The following CLCN6 variants were observed in gnomAD, a reference collection of about 807,000 sequenced individuals.
CLCN6 encodes the protein Cl-/H+ antiporter 6.
Under a neutral mutation model 109.8 loss-of-function variants are expected in CLCN6, and 70 were observed. That is an observed-to-expected ratio of 0.64 (90% CI 0.53 to 0.78). CLCN6 has a LOEUF of 0.78. CLCN6 is among the 30% of genes least tolerant of loss of function. The pLI, the probability that CLCN6 is intolerant of heterozygous loss-of-function variation, is 0.00. For synonymous variants in CLCN6, 444 were observed against 447.8 expected, an observed-to-expected ratio of 0.99 and a Z score of 0.11; for missense variants, 984 against 1,142.3, an observed-to-expected ratio of 0.86 and a Z score of 2.00.
At chr1:11,812,798 C>G (rs973628621) in intron 2 of CLCN6, among the ~76,000 whole-genome samples, 12 of 151,808 alleles carry the variant, frequency 7.9e-5, no homozygotes, top group African/African-American at 2.7e-4. Flanking sequence ...TCTCCCAAAG[C>G]ACAGGATGAG....
chr1:11,835,685 C>G (rs1644935222), intron 17 of CLCN6, among the ~76,000 whole-genome samples: 1 of 152,214 alleles, frequency 6.6e-6, no homozygotes, highest in Non-Finnish European at 1.5e-5. Context: ...CCTGGACCAG[C>G]AGCCAGGGCT....
Position 11,840,177 on chromosome 1 carries a change from A to G in CLCN6, c.2564A>G (p.Tyr855Cys), listed in dbSNP as rs1334677035. The G allele has an allele frequency of 3.7e-6, 6 of 1,613,894 alleles. No homozygotes were observed. Among genetic ancestry groups the G allele is most frequent in the East Asian group, 2.2e-5 (1 of 44,888 alleles). The change falls in exon 23 of 23, where the codon TAT becomes TGT. Residue 855 changes from tyrosine (Y) to cysteine (C), a missense_variant. Transcript: ENST00000346436. ...ATCATCACACGGCACAACCTCACCT[A>G]TGAATTTCTGCAGGCCCGGCTGAGG... ...VGIITRHNLT[Y>C]EFLQARLRQH...
chr1:11,820,581 A>C (rs1241664545), intron 5 of CLCN6: 1 of 476,194 alleles, frequency 2.1e-6, no homozygotes, highest in Non-Finnish European at 3.9e-6. Context: ...CCTGGCTAAC[A>C]CGGTGAAACC....
chr1:11,828,469 T>G lies in CLCN6; in HGVS notation c.966T>G (p.Ser322=). ...LNFGEFKCSD[S]DKKCHLWTAM... ...TCCCCTTCTCTCAGTGCTCTGACTCTGATAAAAAATGTCATCTCTGGACAG... is the reference window on the plus strand; with the variant it reads ...TCCCCTTCTCTCAGTGCTCTGACTCGGATAAAAAATGTCATCTCTGGACAG... The change falls in exon 12 of 23, where the codon TCT becomes TCG. Residue 322 remains serine, a synonymous_variant. Transcript: ENST00000346436. 6.2e-7 allele frequency: 1 copy of G among 1,614,168 alleles called. No individual in the cohort carries two copies. The highest frequency in any genetic ancestry group is 8.5e-7 in the Non-Finnish European group (1 of 1,180,030).
In CLCN6 at chr1:11,838,535, G is replaced by A. The variant is rs759127567; in HGVS notation, c.2404G>A (p.Asp802Asn). The change falls in exon 22 of 23, where the codon GAT becomes AAT. Residue 802 changes from aspartate (D) to asparagine (N), a missense_variant and splice_region_variant. Asp to Asn is a conservative substitution (Grantham distance 23). Coordinates refer to ENST00000346436, the MANE Select transcript of CLCN6 (RefSeq NM_001286.5). ...TCAGTGACACGTGGTCTCTTTGCAG[G>A]ATGTCACCCCATACATGAACCCTTC... ...LTLLNPRMIV[D>N]VTPYMNPSPF... The A allele has an allele frequency of 6.2e-7, 1 of 1,607,492 alleles. No homozygotes were observed. The highest frequency in any genetic ancestry group is 1.3e-5 in the African/African-American group (1 of 74,770).
intron 18 of CLCN6, 93 bp downstream of exon 18, chr1:11,836,246 AC>A (rs1472595896): frequency 8.5e-7 from 1 of 1,173,336 alleles, no homozygotes; most frequent in Non-Finnish European, 1.2e-6. Flanking sequence ...GCTGGGGTGG[AC>A]TTACCGGCTC....
At chr1:11,838,231 C>G (rs1644974484) in intron 20 of CLCN6, 104 bp from the exon 21 acceptor site, 1 of 1,016,934 alleles carries the variant, frequency 9.8e-7, no homozygotes. Context: ...CCTGCCTCAG[C>G]AGCCTGGAGC....
At position 11,840,218 on chromosome 1, in the gene CLCN6, A is replaced by G. The variant is rs1297761383; in HGVS notation, c.2605A>G (p.Ile869Val). Residue 869 changes from isoleucine to valine, a missense_variant, in exon 23 of 23, where the codon ATC (isoleucine) becomes GTC (valine). Coordinates refer to ENST00000346436, the MANE Select transcript of CLCN6 (RefSeq NM_001286.5). ...QARLRQHYQT[I>V] ...CCGGCTGAGGCAGCACTACCAGACCATCTGACAGCCCAGCCCACCCTCTCC... is the reference window on the plus strand; with the variant it reads ...CCGGCTGAGGCAGCACTACCAGACCGTCTGACAGCCCAGCCCACCCTCTCC... The G allele has an allele frequency of 6.2e-7, 1 of 1,612,470 alleles. No homozygotes were observed. Among genetic ancestry groups the G allele is most frequent in the Non-Finnish European group, 8.5e-7 (1 of 1,179,800 alleles).
chr1:11,830,304 A>T (rs1327156366), intron 13 of CLCN6: 1 of 152,154 alleles, frequency 6.6e-6, no homozygotes, highest in Non-Finnish European at 1.5e-5. Context: ...GGCCATCCAC[A>T]TTTGTGGGTC....
At chr1:11,812,664 T>TTGTGTGTGTGTGTGTGTG (rs61487985) in intron 2 of CLCN6, among the ~76,000 whole-genome samples, 1 of 127,020 alleles carries the variant, frequency 7.9e-6, no homozygotes. Flanking sequence ...CAAAGTATGT[T>TTGTGTGTGTGTGTGTGTG]TGTGTGTGTG....
Position 11,833,944 on chromosome 1 carries a change from C to T in CLCN6, c.1440C>T (p.Tyr480=), listed in dbSNP as rs779358393. 19 of 1,614,064 alleles carry T rather than the reference C, an allele frequency of 1.2e-5. No individual in the cohort carries two copies. Among genetic ancestry groups the T allele is most frequent in the South Asian group, 6.6e-5 (6 of 91,060 alleles). ...ATTTCTTGCTTGCATGTTGGACTTA[C>T]GGCATTTCTGTTCCAAGTGGCCTTT... The part of the protein sequence containing the change: ...VLYFLLACWT[Y]GISVPSGLFV... The change falls in exon 15 of 23, where the codon TAC becomes TAT. Residue 480 remains tyrosine, a synonymous_variant. Coordinates refer to ENST00000346436, the MANE Select transcript of CLCN6 (RefSeq NM_001286.5).
intron 8 of CLCN6, among the ~76,000 whole-genome samples, chr1:11,825,249 G>A (rs1048402311): frequency 2.9e-4 from 44 of 152,192 alleles, no homozygotes; most frequent in Admixed American, 2.5e-3. Flanking sequence ...GAGTCTCTGA[G>A]GTGAAGGAGG....
intron 2 of CLCN6, among the ~76,000 whole-genome samples, chr1:11,814,998 A>C (rs945573772): frequency 8.7e-5 from 13 of 148,986 alleles, no homozygotes; most frequent in Non-Finnish European, 1.8e-4. Context: ...GCGCCACTGC[A>C]CTCCAGCCTG....
intron 2 of CLCN6, among the ~76,000 whole-genome samples, chr1:11,815,637 C>T (rs879460918): frequency 1.5e-4 from 23 of 152,186 alleles, no homozygotes; most frequent in Admixed American, 2.0e-4. Flanking sequence ...TCAGGTGATC[C>T]ACCTGCCTTG....
At chr1:11,824,925 G>T (rs565303901) in intron 8 of CLCN6, among the ~76,000 whole-genome samples, 1 of 152,174 alleles carries the variant, frequency 6.6e-6, no homozygotes, top group Non-Finnish European at 1.5e-5. Flanking sequence ...GCACAGTTCC[G>T]TGCTGATTCT....
intron 10 of CLCN6, 99 bp downstream of exon 10, chr1:11,827,320 G>GA: frequency 7.8e-7 from 1 of 1,285,584 alleles, no homozygotes; most frequent in Non-Finnish European, 1.1e-6. Context: ...TGAGACTGGG[G>GA]GGTCAACTGG....
intron 2 of CLCN6, among the ~76,000 whole-genome samples, chr1:11,815,418 C>T (rs766461187): frequency 1.6e-4 from 25 of 152,106 alleles, no homozygotes; most frequent in African/African-American, 5.1e-4. Context: ...GTTTTTGAAA[C>T]GGAGTCTCGC....
chr1:11,820,996 A>G (rs1383328893), intron 5 of CLCN6, among the ~76,000 whole-genome samples: 1 of 151,744 alleles, frequency 6.6e-6, no homozygotes, highest in Non-Finnish European at 1.5e-5. Context: ...GAATCGCTTG[A>G]ACCCGGGAGA....
intron 18 of CLCN6, 144 bp downstream of exon 18, chr1:11,836,297 G>A (rs1024381489): frequency 9.8e-6 from 7 of 710,754 alleles, no homozygotes; most frequent in Non-Finnish European, 1.6e-5. Context: ...ATGCGACAGG[G>A]AGAGTAGATT....
Sources: gnomAD v4.1 joint callset for allele counts (sites outside exome capture counted in the v4.1 genomes callset) on GRCh38, gnomAD v4.1.1 for gene constraint, MANE v1.5 for transcripts, NCBI Gene and HGNC (gene_info 2026-07-23, HGNC 2026-07-21) for gene names.